The following SYT9 variants were observed in gnomAD, a reference collection of about 807,000 sequenced individuals.
The protein encoded by SYT9 is synaptotagmin 9.
Under a neutral mutation model 48.4 loss-of-function variants are expected in SYT9, and 22 were observed. The ratio of observed to expected loss-of-function variants is 0.45; its 90% CI spans 0.32 to 0.65. The LOEUF is 0.65. Among genes scored for constraint, SYT9 ranks in the 30% least tolerant of loss-of-function variants. The pLI is 0.03. For missense variants in SYT9, 577 were observed against 622.0 expected, an observed-to-expected ratio of 0.93 and a Z score of 0.77; for synonymous variants, 265 against 245.0, an observed-to-expected ratio of 1.08 and a Z score of -0.76.
At chr11:7,373,807 C>G (rs966185901) in intron 3 of SYT9, among the ~76,000 whole-genome samples, 2 of 152,050 alleles carry the variant, frequency 1.3e-5, no homozygotes, top group African/African-American at 4.8e-5. Flanking sequence ...TGTTAGAGAC[C>G]TTGGAAGGAG....
intron 3 of SYT9, among the ~76,000 whole-genome samples, chr11:7,399,826 T>A (rs575746388): frequency 6.6e-6 from 1 of 152,378 alleles, no homozygotes; most frequent in Admixed American, 6.5e-5. Flanking sequence ...AAGGAGTGAT[T>A]TTCTTACCAG....
At chr11:7,250,914 AAG>A (rs1214835423), upstream of SYT9, among the ~76,000 whole-genome samples, 1 of 152,164 alleles carries the variant, frequency 6.6e-6, no homozygotes, top group African/African-American at 2.4e-5. Context: ...AGAAGGAAAA[AAG>A]AAAAAAGAAA....
intron 3 of SYT9, among the ~76,000 whole-genome samples, chr11:7,387,439 G>A (rs1226908099): frequency 1.3e-5 from 2 of 152,138 alleles, no homozygotes; most frequent in African/African-American, 4.8e-5. Context: ...ATCATCATCA[G>A]TAAACATGCT....
At chr11:7,466,727 A>G (rs1021728369) in intron 6 of SYT9, 65 bp from the exon 7 acceptor site, 13 of 1,562,730 alleles carry the variant, frequency 8.3e-6, no homozygotes, top group Admixed American at 1.9e-5. Context: ...TCTCAAAAAA[A>G]AAAAAAAAAG....
chr11:7,268,783 T>A (rs1217189996), intron 1 of SYT9, among the ~76,000 whole-genome samples: 1 of 152,098 alleles, frequency 6.6e-6, no homozygotes, highest in Non-Finnish European at 1.5e-5. Flanking sequence ...AAGTGTACAA[T>A]GGAATTATTT....
At chr11:7,291,041 T>C (rs956650770) in intron 1 of SYT9, among the ~76,000 whole-genome samples, 15 of 152,214 alleles carry the variant, frequency 9.9e-5, no homozygotes, top group African/African-American at 3.6e-4. Flanking sequence ...CTGTGGCTTT[T>C]AGTAGAGGGA....
chr11:7,247,621 ATATATACGTG>A, upstream of SYT9, among the ~76,000 whole-genome samples: 1 of 146,744 alleles, frequency 6.8e-6, no homozygotes, highest in South Asian at 2.1e-4. Flanking sequence ...ATATACGTGT[ATATATACGTG>A]TATATATACG....
At chr11:7,241,209 C>A (rs912117264) in intron 1 of SYT9, among the ~76,000 whole-genome samples, 23 of 121,828 alleles carry the variant, frequency 1.9e-4, no homozygotes, top group African/African-American at 1.0e-3. Context: ...TTATTTAAAA[C>A]ACACACACAC....
chr11:7,291,169 T>A (rs945716191), intron 1 of SYT9, among the ~76,000 whole-genome samples: 1 of 152,076 alleles, frequency 6.6e-6, no homozygotes, highest in African/African-American at 2.4e-5. Flanking sequence ...CTCAACAGAA[T>A]CCAAATGCAA....
chr11:7,367,645 G>A (rs1303816448), intron 3 of SYT9, among the ~76,000 whole-genome samples: 1 of 151,590 alleles, frequency 6.6e-6, no homozygotes, highest in Non-Finnish European at 1.5e-5. Flanking sequence ...ACTCATTTTT[G>A]TATTGGGGTT....
intron 6 of SYT9, 76 bp downstream of exon 6, chr11:7,420,711 A>G (rs1430872111): frequency 1.3e-6 from 2 of 1,565,874 alleles, no homozygotes; most frequent in East Asian, 2.3e-5. Flanking sequence ...GCTGCCAAAC[A>G]TATGAGTGCA....
At chr11:7,271,539 A>G (rs978169063) in intron 1 of SYT9, among the ~76,000 whole-genome samples, 1 of 152,050 alleles carries the variant, frequency 6.6e-6, no homozygotes, top group Non-Finnish European at 1.5e-5. Flanking sequence ...AATTTTAACT[A>G]CTGCTGACTT....
intron 3 of SYT9, among the ~76,000 whole-genome samples, chr11:7,400,610 C>T (rs994368895): frequency 1.2e-4 from 19 of 152,282 alleles, no homozygotes; most frequent in Admixed American, 7.9e-4. Context: ...TATTGAAGCA[C>T]TCACTAGAGC....
At position 7,448,445 on chromosome 11, in the gene SYT9, G is replaced by A. The variant is rs147183135; in HGVS notation, c.1468-18347G>A. Among the ~76,000 whole-genome samples, 1,449 of 152,360 alleles carry A rather than the reference G, an allele frequency of 9.5e-3. 23 individuals carry two copies. Among genetic ancestry groups the A allele is most frequent in the African/African-American group, 0.034 (1,405 of 41,586 alleles). ...GTTCAGGGCTCCAAATCCCTGCTGCGGCTCGCCTCAAGGCGGAACGGGGTA... is the reference window on the plus strand; with the variant it reads ...GTTCAGGGCTCCAAATCCCTGCTGCAGCTCGCCTCAAGGCGGAACGGGGTA... On this transcript the variant is annotated intron_variant, in intron 6 of 6. Transcript: ENST00000318881.
At chr11:7,267,442 A>C (rs1053673354) in intron 1 of SYT9, among the ~76,000 whole-genome samples, 5 of 151,988 alleles carry the variant, frequency 3.3e-5, no homozygotes, top group African/African-American at 7.2e-5. Context: ...AATCAGTGAG[A>C]GATTAAGAAG....
chr11:7,405,897 T>A (rs769211135), intron 3 of SYT9, among the ~76,000 whole-genome samples: 9 of 152,312 alleles, frequency 5.9e-5, no homozygotes, highest in Non-Finnish European at 8.8e-5. Flanking sequence ...AGAACTTTTT[T>A]AAAAATTTGC....
At chr11:7,247,643 GAT>G (rs772500692), upstream of SYT9, among the ~76,000 whole-genome samples, 150 of 131,188 alleles carry the variant, frequency 1.1e-3, no homozygotes, top group Admixed American at 3.0e-3. Context: ...ATATATACGT[GAT>G]ATATATATAT....
rs1347311519 is a variant in SYT9, at chr11:7,283,162, T to TAC, written c.146-19876_146-19875insCA. On this transcript the variant is annotated intron_variant, in intron 1 of 6. Transcript: ENST00000318881. ...GTATGTGTGTGTATATATATATATA[T>TAC]ATACACACACACACACACACAGCCT... Among the ~76,000 whole-genome samples, 21 of 146,676 alleles carry TAC rather than the reference T, an allele frequency of 1.4e-4. No homozygotes were observed. In the East Asian group the frequency reaches 3.8e-3, roughly 27 times the overall value.
chr11:7,378,256 G>T (rs1850493112), intron 3 of SYT9, among the ~76,000 whole-genome samples: 1 of 152,206 alleles, frequency 6.6e-6, no homozygotes, highest in Admixed American at 6.6e-5. Flanking sequence ...CCTGATTGGA[G>T]AATTGAGTAT....
Sources: allele counts gnomAD v4.1 joint callset (sites outside exome capture counted in the v4.1 genomes callset), GRCh38; gene constraint gnomAD v4.1.1; transcripts MANE v1.5; gene names NCBI Gene and HGNC (gene_info 2026-07-23, HGNC 2026-07-21).